SGCD: variants seen among roughly 807,000 people sequenced by gnomAD.
SGCD encodes delta-sarcoglycan.
SGCD carries 18 observed loss-of-function variants against 36.6 expected under a neutral mutation model. That is an observed-to-expected ratio of 0.49 (90% CI 0.34 to 0.73). The LOEUF is 0.73. SGCD is among the 30% of genes least tolerant of loss of function. The pLI is 0.01. For synonymous variants in SGCD, 133 were observed against 130.6 expected (o/e 1.02, Z -0.12); for missense variants, 387 against 346.7 (o/e 1.12, Z -0.92).
chr5:156,388,980 G>GT (rs149591035), intron 3 of SGCD, among the ~76,000 whole-genome samples: 2,078 of 152,284 alleles, frequency 0.014, 22 homozygotes, highest in Non-Finnish European at 0.023. Flanking sequence ...TCTGTAATGA[G>GT]TGTAAGACAA....
At chr5:156,075,901 G>A (rs1760770823) in intron 1 of SGCD, among the ~76,000 whole-genome samples, 2 of 152,112 alleles carry the variant, frequency 1.3e-5, no homozygotes, top group Admixed American at 1.3e-4. Flanking sequence ...ATGAGAATCT[G>A]GGTAGCTATT....
At chr5:155,893,543 G>T (rs1420730447) in intron 1 of SGCD, among the ~76,000 whole-genome samples, 2 of 152,186 alleles carry the variant, frequency 1.3e-5, no homozygotes, top group African/African-American at 4.8e-5. Flanking sequence ...TTTGTTTGTT[G>T]AGATTAGTTA....
intron 2 of SGCD, among the ~76,000 whole-genome samples, chr5:156,340,346 G>T (rs1020979625): frequency 6.6e-6 from 1 of 152,138 alleles, no homozygotes; most frequent in African/African-American, 2.4e-5. Flanking sequence ...ATTGTAGGTC[G>T]TGTTTATATC....
At chr5:156,585,734 A>C (rs998747912) in intron 4 of SGCD, among the ~76,000 whole-genome samples, 2 of 152,198 alleles carry the variant, frequency 1.3e-5, no homozygotes, top group African/African-American at 4.8e-5. Context: ...TAATGTGATC[A>C]AAAGTGAAAT....
intron 1 of SGCD, among the ~76,000 whole-genome samples, chr5:156,081,099 G>C (rs546502810): frequency 6.6e-6 from 1 of 152,312 alleles, no homozygotes; most frequent in East Asian, 1.9e-4. Context: ...TTAGCTTCTG[G>C]TGAGGGCCTC....
intron 7 of SGCD, among the ~76,000 whole-genome samples, chr5:156,665,228 G>A (rs1427530164): frequency 2.0e-5 from 3 of 152,140 alleles, no homozygotes; most frequent in African/African-American, 7.3e-5. Context: ...GCTGGAAGAG[G>A]ACTTGTGCCT....
At chr5:155,971,981 C>T (rs945629342) in intron 1 of SGCD, among the ~76,000 whole-genome samples, 2 of 152,086 alleles carry the variant, frequency 1.3e-5, no homozygotes, top group Admixed American at 6.6e-5. Flanking sequence ...TTCAATTACT[C>T]GCCTTCAAAC....
rs533588730 is a variant in SGCD, at chr5:156,284,880, A to C, written c.-43-44654A>C. Among the ~76,000 whole-genome samples the C allele has an allele frequency of 6.1e-4, 93 of 152,256 alleles. 1 individual carries two copies. The highest frequency in any genetic ancestry group is 2.2e-3 in the African/African-American group (91 of 41,556). On this transcript the variant is annotated intron_variant, in intron 3 of 9. Transcript: ENST00000517913. ...TTCAATTAGTAAAAAAGGAAGTCAA[A>C]TTGTCCCTGTTTGCAGATGACATGA... is the stretch of plus-strand genomic sequence containing the variant.
intron 2 of SGCD, among the ~76,000 whole-genome samples, chr5:156,335,916 C>T (rs1032705778): frequency 6.6e-6 from 1 of 152,192 alleles, no homozygotes. Context: ...TAGTCGCGGG[C>T]ACCTGTTCTC....
At chr5:156,122,073 A>G (rs1393368052) in intron 2 of SGCD, among the ~76,000 whole-genome samples, 2 of 152,172 alleles carry the variant, frequency 1.3e-5, no homozygotes, top group African/African-American at 2.4e-5. Flanking sequence ...CCAACACTAG[A>G]AGACATTCAT....
At chr5:155,780,399 T>G in the SGCD span, among the ~76,000 whole-genome samples, 8 of 152,220 alleles carry the variant, frequency 5.3e-5, no homozygotes, top group Non-Finnish European at 1.0e-4. Flanking sequence ...AGATGGTGTA[T>G]TCTTTTTCTT....
intron 3 of SGCD, among the ~76,000 whole-genome samples, chr5:156,431,569 A>G (rs1753010535): frequency 6.7e-6 from 1 of 149,684 alleles, no homozygotes; most frequent in Admixed American, 6.7e-5. Context: ...GCTGTAAGAA[A>G]CCTCCCACTG....
At chr5:155,774,476 C>A in the SGCD span, among the ~76,000 whole-genome samples, 1 of 152,098 alleles carries the variant, frequency 6.6e-6, no homozygotes, top group Non-Finnish European at 1.5e-5. Flanking sequence ...TTCTGGAGGT[C>A]AGAAGTCCGA....
At chr5:155,755,253 A>G in the SGCD span, among the ~76,000 whole-genome samples, 1 of 152,220 alleles carries the variant, frequency 6.6e-6, no homozygotes, top group South Asian at 2.1e-4. Flanking sequence ...TGGTAAACAC[A>G]TTTATTAAAA....
At chr5:156,602,405 G>T (rs1761234731) in intron 6 of SGCD, among the ~76,000 whole-genome samples, 1 of 151,800 alleles carries the variant, frequency 6.6e-6, no homozygotes, top group African/African-American at 2.4e-5. Context: ...CTTATCATCT[G>T]CAAACAGGGA....
the SGCD span, among the ~76,000 whole-genome samples, chr5:155,809,750 A>G: frequency 1.3e-5 from 2 of 152,228 alleles, no homozygotes; most frequent in African/African-American, 4.8e-5. Context: ...ATAAGTGAAT[A>G]AAAATATTGG....
intron 1 of SGCD, among the ~76,000 whole-genome samples, chr5:155,910,741 AG>A (rs1371177968): frequency 6.6e-6 from 1 of 152,174 alleles, no homozygotes; most frequent in Non-Finnish European, 1.5e-5. Context: ...TGGTAATAAT[AG>A]AAAGAGAAGA....
chr5:156,096,678 A>T (rs2127595655), intron 1 of SGCD, among the ~76,000 whole-genome samples: 1 of 152,344 alleles, frequency 6.6e-6, no homozygotes. Context: ...CAAGCATAAA[A>T]TCAAATAAGG....
chr5:156,090,729 C>T (rs190886575), intron 1 of SGCD, among the ~76,000 whole-genome samples: 581 of 152,278 alleles, frequency 3.8e-3, no homozygotes, highest in Admixed American at 6.2e-3. Flanking sequence ...CATCCCTTAT[C>T]TCAACCGCAT....
Sources: allele counts gnomAD v4.1 joint callset (sites outside exome capture counted in the v4.1 genomes callset), GRCh38; gene constraint gnomAD v4.1.1; transcripts MANE v1.5; gene names NCBI Gene and HGNC (gene_info 2026-07-23, HGNC 2026-07-21).